Variants in ABLIM1 observed in about 807,000 individuals in gnomAD.
ABLIM1 encodes actin binding LIM protein 1.
ABLIM1 carries 40 observed loss-of-function variants against 107.0 expected under a neutral mutation model. The observed-to-expected ratio is 0.37, with a 90% confidence interval of 0.29 to 0.49. The LOEUF is 0.49. Ranked by LOEUF, ABLIM1 falls within the 20% of genes least tolerant of loss-of-function variation. The probability of loss-of-function intolerance (pLI) is 0.97; values close to 1 mark genes in which losing one functional copy is unlikely to be tolerated. For missense variants in ABLIM1, 857 were observed against 1,008.5 expected (o/e 0.85, Z 2.04); for synonymous variants, 357 against 357.3 (o/e 1.00, Z 0.01).
At chr10:114,538,488 T>G (rs576962093) in intron 6 of ABLIM1, among the ~76,000 whole-genome samples, 4 of 152,252 alleles carry the variant, frequency 2.6e-5, no homozygotes, top group Admixed American at 2.6e-4. Context: ...ATGTGGTGGG[T>G]GTACAGGCTG....
chr10:114,522,128 G>A (rs1234253057), intron 6 of ABLIM1, among the ~76,000 whole-genome samples: 1 of 152,146 alleles, frequency 6.6e-6, no homozygotes, highest in East Asian at 1.9e-4. Context: ...TGAAAGAGGA[G>A]GGAAGATGTA....
chr10:114,461,994 A>G (rs2064036162), intron 12 of ABLIM1, among the ~76,000 whole-genome samples: 1 of 152,190 alleles, frequency 6.6e-6, no homozygotes, highest in Non-Finnish European at 1.5e-5. Context: ...TTTTCAAAAC[A>G]TAGAGAATGC....
chr10:114,721,035 A>T (rs1378729883), intron 1 of ABLIM1, among the ~76,000 whole-genome samples: 2 of 152,220 alleles, frequency 1.3e-5, no homozygotes, highest in Non-Finnish European at 2.9e-5. Flanking sequence ...GGCTAACATC[A>T]AATGTCACTG....
intron 14 of ABLIM1, 92 bp from the exon 15 acceptor site, chr10:114,448,112 G>A: frequency 6.5e-7 from 1 of 1,533,744 alleles, no homozygotes; most frequent in Non-Finnish European, 8.9e-7. Context: ...TTGTTCTCTG[G>A]CAAAAGTTTC....
intron 1 of ABLIM1, among the ~76,000 whole-genome samples, chr10:114,651,199 T>C (rs1028351659): frequency 1.3e-5 from 2 of 152,320 alleles, no homozygotes; most frequent in African/African-American, 4.8e-5. Context: ...CATTCACTCA[T>C]TCATTTACTC....
At chr10:114,497,609 G>T (rs1330374803) in intron 6 of ABLIM1, among the ~76,000 whole-genome samples, 1 of 149,642 alleles carries the variant, frequency 6.7e-6, no homozygotes, top group Non-Finnish European at 1.5e-5. Flanking sequence ...GCGAACCCGG[G>T]AGGCGGAGCT....
chr10:114,697,983 C>A, intron 1 of ABLIM1, among the ~76,000 whole-genome samples: 1 of 149,640 alleles, frequency 6.7e-6, no homozygotes. Context: ...GAAAATTACA[C>A]CAGCAAAAAG....
intron 2 of ABLIM1, among the ~76,000 whole-genome samples, chr10:114,592,797 G>T (rs1466337195): frequency 6.6e-6 from 1 of 152,120 alleles, no homozygotes; most frequent in Non-Finnish European, 1.5e-5. Context: ...TGACTCTAAG[G>T]CTCTTAACCT....
chr10:114,591,125 T>A (rs1440966640), intron 2 of ABLIM1, among the ~76,000 whole-genome samples: 1 of 152,184 alleles, frequency 6.6e-6, no homozygotes, highest in Non-Finnish European at 1.5e-5. Context: ...CAAGTGCAGT[T>A]TTTCTACTTC....
chr10:114,492,019 C>G, intron 6 of ABLIM1, 141 bp from the exon 7 acceptor site: 1 of 634,124 alleles, frequency 1.6e-6, no homozygotes, highest in Non-Finnish European at 2.5e-6. Flanking sequence ...CTTCCTACAC[C>G]AACAGCCCCG....
At chr10:114,512,104 A>G (rs2061957039) in intron 6 of ABLIM1, among the ~76,000 whole-genome samples, 1 of 152,236 alleles carries the variant, frequency 6.6e-6, no homozygotes, top group East Asian at 1.9e-4. Context: ...CGTGCTGAGC[A>G]CAAGATGACT....
intron 12 of ABLIM1, among the ~76,000 whole-genome samples, chr10:114,461,301 A>G (rs2063839295): frequency 6.6e-6 from 1 of 151,876 alleles, no homozygotes; most frequent in African/African-American, 2.4e-5. Flanking sequence ...TCCTGGGCTC[A>G]AGCAATCTGC....
chr10:114,686,351 A>G (rs989329144), upstream of ABLIM1, among the ~76,000 whole-genome samples: 15 of 151,958 alleles, frequency 9.9e-5, no homozygotes, highest in African/African-American at 3.6e-4. Context: ...TCTACTAAAA[A>G]TTAAAAAAAA....
chr10:114,601,786 C>T (rs1476951060), intron 2 of ABLIM1, 41 bp downstream of exon 2: 2 of 1,614,114 alleles, frequency 1.2e-6, no homozygotes, highest in Non-Finnish European at 8.5e-7. Context: ...CAAGCCCCGA[C>T]CATGGCATGC....
At chr10:114,688,135 A>C (rs1187195698), upstream of ABLIM1, among the ~76,000 whole-genome samples, 1 of 152,176 alleles carries the variant, frequency 6.6e-6, no homozygotes, top group Non-Finnish European at 1.5e-5. Context: ...TTAAACAGAA[A>C]GCTTAACCTA....
At chr10:114,561,567 G>T (rs1431039698) in intron 4 of ABLIM1, among the ~76,000 whole-genome samples, 1 of 152,024 alleles carries the variant, frequency 6.6e-6, no homozygotes, top group African/African-American at 2.4e-5. Context: ...ACTACTAATA[G>T]CAATTGCTCA....
the ABLIM1 span, chr10:114,779,734 TG>T: frequency 6.6e-6 from 1 of 152,208 alleles, no homozygotes; most frequent in Non-Finnish European, 1.5e-5. Context: ...TTCCATAGAA[TG>T]GGTGTAATAT....
chr10:114,526,040 G>A (rs968031808), intron 6 of ABLIM1, among the ~76,000 whole-genome samples: 1 of 151,984 alleles, frequency 6.6e-6, no homozygotes, highest in Non-Finnish European at 1.5e-5. Flanking sequence ...TTCTTTTACT[G>A]CATATCAAAG....
chr10:114,535,780 C>T (rs916445199), intron 6 of ABLIM1, among the ~76,000 whole-genome samples: 1 of 152,114 alleles, frequency 6.6e-6, no homozygotes, highest in Non-Finnish European at 1.5e-5. Flanking sequence ...ACAGTTGACC[C>T]TTGAACAGCG....
Sources: gnomAD v4.1 joint callset for allele counts (sites outside exome capture counted in the v4.1 genomes callset) on GRCh38, gnomAD v4.1.1 for gene constraint, MANE v1.5 for transcripts, NCBI Gene and HGNC (gene_info 2026-07-23, HGNC 2026-07-21) for gene names.